The following KDM6A variants were observed in gnomAD, a reference collection of about 807,000 sequenced individuals.
KDM6A encodes the protein lysine-specific demethylase 6A.
In KDM6A, 11 loss-of-function variants were observed where a neutral mutation model predicts 117.6. The ratio of observed to expected loss-of-function variants is 0.09; its 90% CI spans 0.06 to 0.15. The LOEUF (loss-of-function observed/expected upper bound fraction) is 0.15. KDM6A is among the 10% of genes least tolerant of loss of function. The pLI is 1.00. For synonymous variants in KDM6A, 384 were observed against 396.1 expected (o/e 0.97, Z 0.36); for missense variants, 799 against 1,077.3 (o/e 0.74, Z 3.62).
chrX:45,099,861 C>T lies in KDM6A; in HGVS notation c.4035-7549C>T, dbSNP rs113349751. Among the ~76,000 whole-genome samples the T allele has an allele frequency of 7.4e-3, 827 of 111,049 alleles. 14 individuals carry two copies. The highest frequency in any genetic ancestry group is 0.026 in the African/African-American group (795 of 30,520). On this transcript the variant is annotated intron_variant, in intron 27 of 29. Coordinates refer to ENST00000611820, the MANE Select transcript of KDM6A (RefSeq NM_001291415.2). ...CATCCTGGCTGACATGGTGAAACCC[C>T]GTCTCTACTAAAACTACAAAAAATT...
intron 7 of KDM6A, among the ~76,000 whole-genome samples, chrX:45,035,800 C>T (rs866524282): frequency 1.8e-5 from 2 of 108,828 alleles, no homozygotes; most frequent in African/African-American, 3.4e-5. Flanking sequence ...ACCGGGTTGA[C>T]GCCATTCTCC....
At position 45,040,662 on chromosome X, in the gene KDM6A, C is replaced by T. The variant is rs750705644; in HGVS notation, c.654+2973C>T. Among the ~76,000 whole-genome samples, 89 of 82,827 alleles carry T rather than the reference C, an allele frequency of 1.1e-3. 1 individual carries two copies. Among genetic ancestry groups the T allele is most frequent in the African/African-American group, 4.2e-3 (88 of 21,001 alleles). The allele number at this position is 82,827 out of a possible 115,157, so 71.9% of individuals were successfully genotyped here. Reference sequence around the variant, plus strand: ...TTCCCTCCCGGACGGGGCGGCTGGCCGGGCGGGGGGCTGACCCCCCCCACC... The same window carrying T: ...TTCCCTCCCGGACGGGGCGGCTGGCTGGGCGGGGGGCTGACCCCCCCCACC... On this transcript the variant is annotated intron_variant, in intron 8 of 29. Transcript: ENST00000611820.
intron 8 of KDM6A, among the ~76,000 whole-genome samples, chrX:45,045,588 G>GAAAA (rs569636939): frequency 8.4e-5 from 3 of 35,663 alleles, no homozygotes; most frequent in Non-Finnish European, 1.7e-4. Context: ...TCTGTCTCAA[G>GAAAA]AAAAAAAAAA....
intron 2 of KDM6A, among the ~76,000 whole-genome samples, chrX:44,902,493 G>A (rs891631545): frequency 5.5e-5 from 6 of 108,327 alleles, no homozygotes; most frequent in African/African-American, 2.0e-4. Context: ...GGGTTCAAGC[G>A]ATTCTCCTGC....
chrX:45,060,082 A>G lies in KDM6A; in HGVS notation c.1255A>G (p.Ile419Val). 1 of 1,210,636 alleles carries G rather than the reference A, an allele frequency of 8.3e-7. No individual in the cohort carries two copies. The highest frequency in any genetic ancestry group is 1.1e-6 in the Non-Finnish European group (1 of 894,982). ...GAATAAAACTAAATTACTTCCTAGTATTGAGGAGGCGTGGAGCCTACCAAT... is the reference window on the plus strand; with the variant it reads ...GAATAAAACTAAATTACTTCCTAGTGTTGAGGAGGCGTGGAGCCTACCAAT... The part of the protein sequence containing the change: ...LQNKTKLLPS[I>V]EEAWSLPIPA... The change falls in exon 13 of 30, where the codon ATT (isoleucine) becomes GTT (valine). Residue 419 changes from isoleucine to valine, a missense_variant. Around this residue, in one of 8 missense-constraint regions of KDM6A, gnomAD observed 7 missense variants for 23.4 expected, o/e 0.30. Transcript: ENST00000611820.
At position 45,063,731 on chromosome X, in the gene KDM6A, A is replaced by G. The variant is rs1379164983; in HGVS notation, c.1993A>G (p.Asn665Asp). The change falls in exon 17 of 30, where the codon AAC becomes GAC. Residue 665 changes from asparagine (N) to aspartate (D), a missense_variant. By Grantham distance (23) the Asn-to-Asp change is conservative. Around this residue, in one of 8 missense-constraint regions of KDM6A, gnomAD observed 301 missense variants for 318.3 expected, o/e 0.95. Coordinates refer to ENST00000611820, the MANE Select transcript of KDM6A (RefSeq NM_001291415.2). ...TGGAAACGTGCCTTACCTGCAGCGA[A>G]ACGCACTCACTCTACCTCATAACCG... ...SNGNVPYLQR[N>D]ALTLPHNRTN... 2.5e-6 allele frequency: 3 copies of G among 1,207,989 alleles called. No homozygotes were observed. The highest frequency in any genetic ancestry group is 2.2e-6 in the Non-Finnish European group (2 of 893,227).
At chrX:45,061,078 C>T (rs866197662) in intron 14 of KDM6A, among the ~76,000 whole-genome samples, 2 of 110,825 alleles carry the variant, frequency 1.8e-5, no homozygotes, top group Non-Finnish European at 3.8e-5. Flanking sequence ...TTAGGCTAGC[C>T]GTTTGGGCCA....
intron 5 of KDM6A, among the ~76,000 whole-genome samples, chrX:45,015,667 A>G (rs757923850): frequency 7.1e-5 from 8 of 111,962 alleles, no homozygotes; most frequent in Non-Finnish European, 1.5e-4. Flanking sequence ...TTTTTGAGCT[A>G]TCATGATACA....
At chrX:44,946,831 G>A (rs5952658) in intron 2 of KDM6A, among the ~76,000 whole-genome samples, 23,950 of 110,168 alleles carry the variant, frequency 0.22, 4,318 homozygotes, top group African/African-American at 0.61. Context: ...GTTTCCACAC[G>A]TACAAGTTCT....
intron 6 of KDM6A, among the ~76,000 whole-genome samples, chrX:45,032,381 C>T (rs2042633869): frequency 9.0e-6 from 1 of 111,532 alleles, no homozygotes; most frequent in Admixed American, 9.5e-5. Context: ...GCTTTGTGGT[C>T]ATGTTATCCC....
intron 2 of KDM6A, among the ~76,000 whole-genome samples, chrX:44,906,493 G>A (rs761940703): frequency 9.1e-6 from 1 of 110,158 alleles, no homozygotes; most frequent in African/African-American, 3.3e-5. Flanking sequence ...CCCTTAAATG[G>A]CTTCCTTTCT....
At chrX:45,055,080 C>A (rs1419953831) in intron 10 of KDM6A, among the ~76,000 whole-genome samples, 1 of 111,001 alleles carries the variant, frequency 9.0e-6, no homozygotes, top group Non-Finnish European at 1.9e-5. Flanking sequence ...TACGTATCTT[C>A]CTGCTCTAAA....
chrX:45,068,560 T>TAA (rs2044643341), intron 17 of KDM6A, among the ~76,000 whole-genome samples: 1 of 96,249 alleles, frequency 1.0e-5, no homozygotes, highest in African/African-American at 4.3e-5. Flanking sequence ...CCCTTTTTTT[T>TAA]TAAAAAAAAA....
intron 5 of KDM6A, among the ~76,000 whole-genome samples, chrX:45,013,776 C>A (rs2041862728): frequency 8.9e-6 from 1 of 112,139 alleles, no homozygotes; most frequent in Non-Finnish European, 1.9e-5. Flanking sequence ...ATCAAATGTT[C>A]TTTCACAAAT....
chrX:44,886,780 C>T (rs780395882), intron 2 of KDM6A, among the ~76,000 whole-genome samples: 4 of 110,166 alleles, frequency 3.6e-5, no homozygotes, highest in Non-Finnish European at 5.7e-5. Flanking sequence ...CATGAGACAC[C>T]GCGCCCGGCC....
At chrX:45,053,780 A>G in intron 9 of KDM6A, 49 bp from the exon 10 acceptor site, 2 of 1,001,568 alleles carry the variant, frequency 2.0e-6, no homozygotes, top group Non-Finnish European at 2.8e-6. Flanking sequence ...TTAAACATAG[A>G]AGAACAATTA....
intron 6 of KDM6A, among the ~76,000 whole-genome samples, chrX:45,033,027 T>A (rs2042665081): frequency 8.9e-6 from 1 of 112,071 alleles, no homozygotes; most frequent in African/African-American, 3.2e-5. Flanking sequence ...AACTAAAATA[T>A]TGCCATATTG....
chrX:45,078,283 T>C (rs2045226344), intron 19 of KDM6A, 117 bp from the exon 20 acceptor site: 3 of 671,434 alleles, frequency 4.5e-6, no homozygotes, highest in African/African-American at 4.4e-5. Flanking sequence ...AATAGAAATA[T>C]CACCCCATAA....
chrX:45,078,118 G>C (rs992108401), intron 19 of KDM6A, among the ~76,000 whole-genome samples: 25 of 111,946 alleles, frequency 2.2e-4, no homozygotes, highest in African/African-American at 8.1e-4. Context: ...TTCATTTTAA[G>C]ACTGAATAAT....
Sources: gnomAD v4.1 joint callset for allele counts (sites outside exome capture counted in the v4.1 genomes callset) on GRCh38, gnomAD v4.1.1 for gene constraint, gnomAD v4.1.1 regional missense constraint, MANE v1.5 for transcripts, NCBI Gene and HGNC (gene_info 2026-07-23, HGNC 2026-07-21) for gene names.